The following IGLON5 variants were observed in gnomAD, a reference collection of about 807,000 sequenced individuals.
The protein encoded by IGLON5 is Ig-like domain-containing protein ENSP00000270642.
IGLON5 carries 16 observed loss-of-function variants against 38.2 expected under a neutral mutation model. The ratio of observed to expected loss-of-function variants is 0.42; its 90% CI spans 0.28 to 0.64. IGLON5 has a LOEUF of 0.64. Ranked by LOEUF, IGLON5 falls within the 30% of genes least tolerant of loss-of-function variation. The pLI, the probability that IGLON5 is intolerant of heterozygous loss-of-function variation, is 0.23. For missense variants in IGLON5, 366 were observed against 483.4 expected, an observed-to-expected ratio of 0.76 and a Z score of 2.28; for synonymous variants, 207 against 216.4, an observed-to-expected ratio of 0.96 and a Z score of 0.38.
chr19:51,327,618 G>A lies in IGLON5; in HGVS notation c.768-114G>A. Reference sequence around the variant, plus strand: ...GAGGTGCTAGAACCCGAGGCGATGGGTCACTGGGGTAGGGGGCAGAATGCT... The same window carrying A: ...GAGGTGCTAGAACCCGAGGCGATGGATCACTGGGGTAGGGGGCAGAATGCT... On this transcript the variant is annotated intron_variant, in intron 6 of 7. Coordinates refer to ENST00000270642, the MANE Select transcript of IGLON5 (RefSeq NM_001101372.3). This position sits in a 1 kb window ranked among gnomAD's most constrained non-coding sequence, Gnocchi z 7.1. 7.0e-7 allele frequency: 1 copy of A among 1,432,678 alleles called. No homozygotes were observed. Among genetic ancestry groups the A allele is most frequent in the Non-Finnish European group, 9.3e-7 (1 of 1,072,658 alleles). The allele number at this position is 1,432,678 out of a possible 1,614,324, so 88.7% of individuals were successfully genotyped here.
chr19:51,321,804 G>T (rs886795182), intron 1 of IGLON5, among the ~76,000 whole-genome samples: 1 of 152,258 alleles, frequency 6.6e-6, no homozygotes, highest in African/African-American at 2.4e-5. Flanking sequence ...CTCATGGGAA[G>T]ATACATGTTG....
Position 51,325,593 on chromosome 19 carries a change from T to C in IGLON5, c.511+128T>C, listed in dbSNP as rs183927755. The stretch of plus-strand genomic sequence containing the variant: ...GGCCCCTTGGCTTCCCCTCCCACTC[T>C]GCTTCCAGTTATTTCATCCACAGAC... On this transcript the variant is annotated intron_variant, in intron 4 of 7. Transcript: ENST00000270642. The surrounding 1 kb of genome is among the most constrained non-coding windows in gnomAD (Gnocchi z 5.5). 179 of 1,028,922 alleles carry C rather than the reference T, an allele frequency of 1.7e-4. No individual in the cohort carries two copies. The African/African-American group carries it at 2.7e-3, about 16-fold the overall frequency. 63.7% of individuals were successfully genotyped at this position (1,028,922 alleles called of 1,614,324 possible). A position where few individuals can be genotyped will look rare whatever the true frequency, so the allele number is the denominator to read the frequency against.
intron 4 of IGLON5, 54 bp from the exon 5 acceptor site, chr19:51,326,710 C>T: frequency 7.2e-7 from 1 of 1,387,102 alleles, no homozygotes; most frequent in Non-Finnish European, 9.7e-7. Flanking sequence ...CCGTGTTGTC[C>T]CGTGTTAAGT....
In IGLON5 at chr19:51,325,180, T is replaced by C. The variant is rs1301153990; in HGVS notation, c.392-166T>C. ...CTCTTGGGTCTGAGGGAAGAGGAAC[T>C]GCGGGTCTGAACTCCCGGGTCTGAG... On this transcript the variant is annotated intron_variant, in intron 3 of 7. Coordinates refer to ENST00000270642, the MANE Select transcript of IGLON5 (RefSeq NM_001101372.3). The surrounding 1 kb of genome is among the most constrained non-coding windows in gnomAD (Gnocchi z 5.5). 1.4e-5 allele frequency among the ~76,000 whole-genome samples: 2 copies of C among 147,520 alleles called. No individual in the cohort carries two copies. Among genetic ancestry groups the C allele is most frequent in the Admixed American group, 1.4e-4 (2 of 14,790 alleles).
chr19:51,314,854 C>G (rs902075691), intron 1 of IGLON5, among the ~76,000 whole-genome samples: 33 of 152,236 alleles, frequency 2.2e-4, no homozygotes, highest in African/African-American at 8.0e-4. Context: ...CCTGCCACCA[C>G]TCTCACAACC....
At chr19:51,323,578 C>T (rs1599826525) in intron 2 of IGLON5, 84 bp from the exon 3 acceptor site, 1 of 1,182,344 alleles carries the variant, frequency 8.5e-7, no homozygotes, top group Non-Finnish European at 1.2e-6. Context: ...ATGCGGTGGC[C>T]TCCTTCTCCC....
At position 51,327,672 on chromosome 19, in the gene IGLON5, AGTCGGGGGGCTG is replaced by A. The variant is rs1204749105; in HGVS notation, c.768-58_768-47del. ...TCACCGGGGAACGGAGGAGCCTGAG[AGTCGGGGGGCTG>A]GCCTGGCTGGGCGCTGCGGCCCGGC... On this transcript the variant is annotated intron_variant, in intron 6 of 7. Coordinates refer to ENST00000270642, the MANE Select transcript of IGLON5 (RefSeq NM_001101372.3). The surrounding 1 kb of genome is among the most constrained non-coding windows in gnomAD (Gnocchi z 7.1). 3.7e-5 allele frequency: 57 copies of A among 1,534,976 alleles called. No homozygotes were observed. The highest frequency in any genetic ancestry group is 4.9e-5 in the Non-Finnish European group (56 of 1,146,564).
chr19:51,328,822 G>A lies in IGLON5; in HGVS notation c.*63G>A. The stretch of plus-strand genomic sequence containing the variant: ...CCTCAGGCCAAGAGTGAGAGAAACG[G>A]GGGAGCAAGAGCCGTGGGTCTCGTG... On this transcript the variant is annotated 3_prime_UTR_variant, in exon 8 of 8. Coordinates refer to ENST00000270642, the MANE Select transcript of IGLON5 (RefSeq NM_001101372.3). 8.0e-7 allele frequency: 1 copy of A among 1,252,312 alleles called. No homozygotes were observed. Among genetic ancestry groups the A allele is most frequent in the Non-Finnish European group, 1.1e-6 (1 of 906,574 alleles). The allele number at this position is 1,252,312 out of a possible 1,614,324, so 77.6% of individuals were successfully genotyped here. A position where few individuals can be genotyped will look rare whatever the true frequency, so the allele number is the denominator to read the frequency against.
intron 1 of IGLON5, among the ~76,000 whole-genome samples, chr19:51,313,150 C>A (rs927761032): frequency 5.9e-5 from 9 of 152,222 alleles, no homozygotes; most frequent in African/African-American, 2.2e-4. Flanking sequence ...CAAACACAGC[C>A]CCATCCACGC....
rs1276403445 is a variant in IGLON5 at position 51,325,001 on chromosome 19, G to A, written c.392-345G>A. 2.0e-5 allele frequency among the ~76,000 whole-genome samples: 3 copies of A among 151,966 alleles called. No individual in the cohort carries two copies. Among genetic ancestry groups the A allele is most frequent in the Non-Finnish European group, 4.4e-5 (3 of 68,008 alleles). On this transcript the variant is annotated intron_variant, in intron 3 of 7. Transcript: ENST00000270642. This position sits in a 1 kb window ranked among gnomAD's most constrained non-coding sequence, Gnocchi z 5.5. ...AAATAGAGACGGGGAGAGGAATTCA[G>A]ACCCCAAGATGGAGAAACCAAGTTA...
chr19:51,323,500 C>T (rs1345913629), intron 2 of IGLON5, among the ~76,000 whole-genome samples, 162 bp from the exon 3 acceptor site: 1 of 152,232 alleles, frequency 6.6e-6, no homozygotes, highest in Admixed American at 6.5e-5. Context: ...CCCTGAGGCT[C>T]AACTTACCCC....
In IGLON5 at chr19:51,327,502, A is replaced by G. The variant is rs1985246902; in HGVS notation, c.768-230A>G. 6.6e-6 allele frequency among the ~76,000 whole-genome samples: 1 copy of G among 152,064 alleles called. No individual in the cohort carries two copies. Among genetic ancestry groups the G allele is most frequent in the South Asian group, 2.1e-4 (1 of 4,818 alleles). ...GGACCAGCAGAGTTCAGGAGTCCCTAACGACTAGGGGTGCACTACGGGAGA... is the reference window on the plus strand; with the variant it reads ...GGACCAGCAGAGTTCAGGAGTCCCTGACGACTAGGGGTGCACTACGGGAGA... On this transcript the variant is annotated intron_variant, in intron 6 of 7. Coordinates refer to ENST00000270642, the MANE Select transcript of IGLON5 (RefSeq NM_001101372.3). The surrounding 1 kb of genome is among the most constrained non-coding windows in gnomAD (Gnocchi z 7.1).
chr19:51,322,263 C>T (rs936164778), intron 2 of IGLON5, 121 bp downstream of exon 2: 2 of 775,352 alleles, frequency 2.6e-6, no homozygotes, highest in Admixed American at 2.0e-5. Context: ...TTGGGCTCCA[C>T]ATTCCCCCTC....
At chr19:51,312,186 CG>C (rs1984782973) in intron 1 of IGLON5, among the ~76,000 whole-genome samples, 1 of 151,986 alleles carries the variant, frequency 6.6e-6, no homozygotes, top group African/African-American at 2.4e-5. Context: ...TCTGCTTCCC[CG>C]AGCAGGCAAG....
intron 1 of IGLON5, among the ~76,000 whole-genome samples, chr19:51,313,095 G>A (rs151324081): frequency 2.1e-3 from 314 of 152,234 alleles, no homozygotes; most frequent in African/African-American, 7.2e-3. Context: ...CAGAAACCCC[G>A]TCACAGCGTC....
chr19:51,326,676 C>A, intron 4 of IGLON5, 88 bp from the exon 5 acceptor site: 1 of 1,043,644 alleles, frequency 9.6e-7, no homozygotes. Context: ...GTGCCCGCCC[C>A]GCTGATGTGT....
At chr19:51,323,108 C>T (rs1272795240) in intron 2 of IGLON5, among the ~76,000 whole-genome samples, 1 of 149,594 alleles carries the variant, frequency 6.7e-6, no homozygotes, top group Non-Finnish European at 1.5e-5. Context: ...TGTCCCCTCT[C>T]TCTGGGTCTC....
intron 4 of IGLON5, among the ~76,000 whole-genome samples, chr19:51,326,288 T>A (rs1985214262): frequency 6.6e-6 from 1 of 152,140 alleles, no homozygotes; most frequent in African/African-American, 2.4e-5. Flanking sequence ...CTGAGACTGC[T>A]GCTGTGTTAT....
At chr19:51,323,214 C>T (rs1985120850) in intron 2 of IGLON5, among the ~76,000 whole-genome samples, 1 of 147,870 alleles carries the variant, frequency 6.8e-6, no homozygotes, top group Non-Finnish European at 1.5e-5. Context: ...CTCTCCGGGT[C>T]TCTGTCCCCC....
Sources: allele counts gnomAD v4.1 joint callset (sites outside exome capture counted in the v4.1 genomes callset), GRCh38; gene constraint gnomAD v4.1.1; non-coding constraint Gnocchi (gnomAD v3.1); transcripts MANE v1.5; gene names NCBI Gene and HGNC (gene_info 2026-07-23, HGNC 2026-07-21).